Variants in CAMK4 observed in about 807,000 individuals in gnomAD.
The protein encoded by CAMK4 is calcium/calmodulin dependent protein kinase IV, also known as calcium/calmodulin-dependent protein kinase type IV.
Under a neutral mutation model 44.9 loss-of-function variants are expected in CAMK4, and 22 were observed. The ratio of observed to expected loss-of-function variants is 0.49; its 90% CI spans 0.35 to 0.70. The LOEUF (loss-of-function observed/expected upper bound fraction) is 0.70. Ranked by LOEUF, CAMK4 falls within the 30% of genes least tolerant of loss-of-function variation. The pLI is 0.01. For missense variants in CAMK4, 498 were observed against 586.8 expected, an observed-to-expected ratio of 0.85 and a Z score of 1.56; for synonymous variants, 218 against 215.4, an observed-to-expected ratio of 1.01 and a Z score of -0.11.
chr5:111,387,134 A>G (rs1302542146), intron 4 of CAMK4, among the ~76,000 whole-genome samples: 1 of 152,248 alleles, frequency 6.6e-6, no homozygotes, highest in Non-Finnish European at 1.5e-5. Context: ...CAAGAGAAAT[A>G]CAGCAATAAC....
chr5:111,254,035 T>A (rs1188763984), intron 1 of CAMK4, among the ~76,000 whole-genome samples: 1 of 152,228 alleles, frequency 6.6e-6, no homozygotes, highest in Non-Finnish European at 1.5e-5. Flanking sequence ...AAAACTACCA[T>A]AGTTTAAGAT....
Position 111,394,787 on chromosome 5 carries a change from G to A in CAMK4, c.459+5G>A. The A allele has an allele frequency of 6.3e-7, 1 of 1,586,190 alleles. No homozygotes were observed. Among genetic ancestry groups the A allele is most frequent in the East Asian group, 2.2e-5 (1 of 44,642 alleles). On this transcript the variant is annotated splice_donor_5th_base_variant and intron_variant, in intron 5 of 10. Coordinates refer to ENST00000282356, the MANE Select transcript of CAMK4 (RefSeq NM_001744.6). Reference sequence around the variant, plus strand: ...CAAATCCTGGAGGCAGTTGCTGTAAGTATGAAGTAACAGCAATGGTGTAAC... The same window carrying A: ...CAAATCCTGGAGGCAGTTGCTGTAAATATGAAGTAACAGCAATGGTGTAAC...
At chr5:111,240,009 T>A (rs189247394) in intron 1 of CAMK4, among the ~76,000 whole-genome samples, 155 of 152,334 alleles carry the variant, frequency 1.0e-3, no homozygotes, top group Non-Finnish European at 1.9e-3. Flanking sequence ...AGGTGTAGTA[T>A]AACCGTAAGA....
intron 1 of CAMK4, among the ~76,000 whole-genome samples, chr5:111,315,631 T>G (rs1400050539): frequency 6.6e-6 from 1 of 152,158 alleles, no homozygotes; most frequent in African/African-American, 2.4e-5. Context: ...CTAAACCTCA[T>G]TCTTAATCTC....
intron 2 of CAMK4, among the ~76,000 whole-genome samples, chr5:111,356,100 C>CTAGT (rs1450063140): frequency 1.5e-3 from 203 of 132,724 alleles, no homozygotes; most frequent in Non-Finnish European, 2.1e-3. Flanking sequence ...AATGGTTGAA[C>CTAGT]TAGTTTACAG....
chr5:111,253,661 T>C (rs958713164), intron 1 of CAMK4, among the ~76,000 whole-genome samples: 1 of 152,222 alleles, frequency 6.6e-6, no homozygotes, highest in African/African-American at 2.4e-5. Flanking sequence ...GCTACAATTT[T>C]ATGATGTTGA....
At chr5:111,425,095 G>A (rs187561890) in intron 5 of CAMK4, among the ~76,000 whole-genome samples, 2 of 151,528 alleles carry the variant, frequency 1.3e-5, no homozygotes, top group East Asian at 3.9e-4. Flanking sequence ...TTCAGGAGGT[G>A]GAGGTTTCGG....
intron 1 of CAMK4, among the ~76,000 whole-genome samples, chr5:111,326,534 C>CA (rs1396694137): frequency 6.6e-6 from 1 of 151,244 alleles, no homozygotes; most frequent in Non-Finnish European, 1.5e-5. Flanking sequence ...TAAATAATGC[C>CA]AGTATTACAC....
At chr5:111,384,827 T>C (rs910812344) in intron 4 of CAMK4, among the ~76,000 whole-genome samples, 4 of 152,176 alleles carry the variant, frequency 2.6e-5, no homozygotes, top group Admixed American at 2.0e-4. Context: ...AGCATAGATT[T>C]GATCAGGTCA....
chr5:111,274,946 A>G (rs191370142), intron 1 of CAMK4, among the ~76,000 whole-genome samples: 4 of 152,086 alleles, frequency 2.6e-5, no homozygotes, highest in Non-Finnish European at 5.9e-5. Context: ...ATATCTAACT[A>G]ATTTTCCCCA....
chr5:111,372,133 T>C (rs1193235155), intron 2 of CAMK4, among the ~76,000 whole-genome samples: 1 of 152,178 alleles, frequency 6.6e-6, no homozygotes, highest in African/African-American at 2.4e-5. Context: ...AATGAATAAT[T>C]ATTAGTTACT....
chr5:111,261,608 A>C (rs1422062166), intron 1 of CAMK4, among the ~76,000 whole-genome samples: 1 of 150,946 alleles, frequency 6.6e-6, no homozygotes, highest in African/African-American at 2.4e-5. Context: ...TTCTGCTTCC[A>C]AAGTTGGAAA....
intron 5 of CAMK4, among the ~76,000 whole-genome samples, chr5:111,442,755 A>T (rs990597663): frequency 1.3e-5 from 2 of 148,420 alleles, no homozygotes; most frequent in Non-Finnish European, 3.0e-5. Context: ...ATATTTTAAC[A>T]AATTTTAAAA....
intron 2 of CAMK4, among the ~76,000 whole-genome samples, chr5:111,363,947 A>G (rs943479287): frequency 6.6e-6 from 1 of 152,136 alleles, no homozygotes; most frequent in Admixed American, 6.6e-5. Flanking sequence ...AGGACTGAAT[A>G]TAAAGGGTAA....
At chr5:111,340,513 C>T (rs1382968031) in intron 1 of CAMK4, among the ~76,000 whole-genome samples, 1 of 151,052 alleles carries the variant, frequency 6.6e-6, no homozygotes, top group Non-Finnish European at 1.5e-5. Flanking sequence ...TGTGGTATGT[C>T]ACAATTACTG....
At chr5:111,459,788 C>T (rs532405040) in intron 7 of CAMK4, among the ~76,000 whole-genome samples, 10 of 150,762 alleles carry the variant, frequency 6.6e-5, no homozygotes, top group African/African-American at 1.7e-4. Context: ...CTGCAAGCTC[C>T]GCCTCTCGGG....
At chr5:111,467,934 TCA>T (rs60254627) in intron 7 of CAMK4, among the ~76,000 whole-genome samples, 5,435 of 143,394 alleles carry the variant, frequency 0.038, 279 homozygotes, top group African/African-American at 0.12. Context: ...AAAGAAATTG[TCA>T]CACACACACA....
intron 5 of CAMK4, among the ~76,000 whole-genome samples, chr5:111,398,772 T>G (rs1047762593): frequency 6.6e-6 from 1 of 152,190 alleles, no homozygotes; most frequent in African/African-American, 2.4e-5. Flanking sequence ...CCCTCCATCT[T>G]CTTCATCTTG....
At chr5:111,450,632 G>A (rs973473076) in intron 7 of CAMK4, among the ~76,000 whole-genome samples, 1 of 139,766 alleles carries the variant, frequency 7.2e-6, no homozygotes, top group African/African-American at 2.8e-5. Context: ...TACTAAAAAT[G>A]CAAAAAATAA....
Sources: gnomAD v4.1 joint callset for allele counts (sites outside exome capture counted in the v4.1 genomes callset) on GRCh38, gnomAD v4.1.1 for gene constraint, MANE v1.5 for transcripts, NCBI Gene and HGNC (gene_info 2026-07-23, HGNC 2026-07-21) for gene names.